Variants in SLC25A21 observed in about 807,000 individuals in gnomAD.
SLC25A21 encodes mitochondrial 2-oxodicarboxylate carrier.
SLC25A21 carries 47 observed loss-of-function variants against 43.8 expected under a neutral mutation model. The ratio of observed to expected loss-of-function variants is 1.07; its 90% CI spans 0.85 to 1.37. The LOEUF (loss-of-function observed/expected upper bound fraction) is 1.37, where lower values mean the gene tolerates loss of function less well. Among genes scored for constraint, SLC25A21 ranks in the 40% most tolerant of loss-of-function variants. The probability of loss-of-function intolerance (pLI) is 0.00; values close to 1 mark genes in which losing one functional copy is unlikely to be tolerated. For missense variants in SLC25A21, 352 were observed against 350.2 expected (o/e 1.00, Z -0.04); for synonymous variants, 131 against 121.3 (o/e 1.08, Z -0.52).
intron 1 of SLC25A21, among the ~76,000 whole-genome samples, chr14:37,047,730 A>AAAAC (rs1364848341): frequency 6.6e-6 from 1 of 152,242 alleles, no homozygotes; most frequent in African/African-American, 2.4e-5. Flanking sequence ...TTGTCCCTAG[A>AAAAC]AAACAAAAGT....
intron 3 of SLC25A21, among the ~76,000 whole-genome samples, chr14:36,735,112 T>C (rs555928518): frequency 1.3e-5 from 2 of 152,158 alleles, no homozygotes; most frequent in East Asian, 3.9e-4. Context: ...GCTTCCTTGA[T>C]GGAAGTGGAA....
chr14:36,874,959 G>C lies in SLC25A21; in HGVS notation c.116C>G (p.Thr39Ser). The change falls in exon 2 of 10, where the codon ACC becomes AGC. Residue 39 changes from threonine (T) to serine (S), a missense_variant. Transcript: ENST00000331299. ...CLMHPLDVVK[T>S]RFQIQRCATD... ...ACTTGTTCATGCAGAACCTTACCTG[G>C]TTTTCACCACATCTAGGGGGTGCAT... 1 of 1,608,700 alleles carries C rather than the reference G, an allele frequency of 6.2e-7. No homozygotes were observed. Among genetic ancestry groups the C allele is most frequent in the Non-Finnish European group, 8.5e-7 (1 of 1,177,428 alleles).
chr14:37,024,946 C>T (rs983771931), intron 1 of SLC25A21, among the ~76,000 whole-genome samples: 5 of 152,004 alleles, frequency 3.3e-5, no homozygotes, highest in Middle Eastern at 3.4e-3. Context: ...TTATAAACAA[C>T]GATTTAGTTG....
chr14:37,017,448 G>A (rs1057028139), intron 1 of SLC25A21, among the ~76,000 whole-genome samples: 1 of 152,004 alleles, frequency 6.6e-6, no homozygotes, highest in African/African-American at 2.4e-5. Context: ...AAATACAATA[G>A]TAACATCAAA....
intron 2 of SLC25A21, among the ~76,000 whole-genome samples, chr14:36,830,964 G>C (rs1423731207): frequency 6.6e-6 from 1 of 152,210 alleles, no homozygotes; most frequent in Non-Finnish European, 1.5e-5. Context: ...AGGGAAATAA[G>C]TGTGTTTAGA....
intron 2 of SLC25A21, among the ~76,000 whole-genome samples, chr14:36,843,659 A>G (rs1189781257): frequency 6.6e-6 from 1 of 152,186 alleles, no homozygotes; most frequent in Admixed American, 6.5e-5. Flanking sequence ...ATACTTCACC[A>G]TGTCTCCTAA....
chr14:36,735,755 C>T (rs1000679712), intron 3 of SLC25A21, among the ~76,000 whole-genome samples: 30 of 151,746 alleles, frequency 2.0e-4, no homozygotes, highest in South Asian at 8.3e-4. Flanking sequence ...CCTCAATTCA[C>T]TGGCTTACAT....
At chr14:36,894,459 T>C (rs1297148536) in intron 1 of SLC25A21, among the ~76,000 whole-genome samples, 1 of 152,178 alleles carries the variant, frequency 6.6e-6, no homozygotes, top group Non-Finnish European at 1.5e-5. Flanking sequence ...TGGGGTTTTC[T>C]AGATATACAA....
At chr14:36,799,839 G>C (rs116276789) in intron 3 of SLC25A21, among the ~76,000 whole-genome samples, 1,891 of 151,994 alleles carry the variant, frequency 0.012, 22 homozygotes, top group African/African-American at 0.029. Flanking sequence ...CTCAGCACCT[G>C]GTAAGTTATT....
chr14:36,694,646 T>C (rs905898234), intron 7 of SLC25A21, among the ~76,000 whole-genome samples: 3 of 152,246 alleles, frequency 2.0e-5, no homozygotes, highest in African/African-American at 7.2e-5. Flanking sequence ...TTGATTTGCA[T>C]TTCTCTGATG....
chr14:36,889,053 A>C (rs370898184), intron 1 of SLC25A21, among the ~76,000 whole-genome samples: 2 of 152,162 alleles, frequency 1.3e-5, no homozygotes, highest in East Asian at 3.9e-4. Flanking sequence ...TAGCTACACA[A>C]ATTCTTTTTG....
intron 1 of SLC25A21, among the ~76,000 whole-genome samples, chr14:37,051,593 A>AAACAAAAGAG (rs1186223644): frequency 6.6e-6 from 1 of 152,216 alleles, no homozygotes; most frequent in East Asian, 1.9e-4. Flanking sequence ...CAAAGGGACT[A>AAACAAAAGAG]TTTACAAATA....
intron 1 of SLC25A21, among the ~76,000 whole-genome samples, chr14:36,880,675 AT>A (rs1890691972): frequency 6.6e-6 from 1 of 152,226 alleles, no homozygotes; most frequent in South Asian, 2.1e-4. Context: ...ACTGGCAGCT[AT>A]TTATTCTGCA....
chr14:37,071,133 A>G (rs1785944622), intron 1 of SLC25A21, among the ~76,000 whole-genome samples: 1 of 152,234 alleles, frequency 6.6e-6, no homozygotes, highest in African/African-American at 2.4e-5. Context: ...AAAATATCCA[A>G]TAGATCGTCA....
chr14:37,066,754 A>T (rs952328976), intron 1 of SLC25A21, among the ~76,000 whole-genome samples: 2 of 152,178 alleles, frequency 1.3e-5, no homozygotes, highest in African/African-American at 4.8e-5. Flanking sequence ...TTATATACAC[A>T]TGGAGAGAGA....
intron 1 of SLC25A21, among the ~76,000 whole-genome samples, chr14:37,010,571 G>T (rs1398045329): frequency 2.6e-5 from 4 of 152,174 alleles, no homozygotes; most frequent in Admixed American, 2.6e-4. Flanking sequence ...AGGCTTTGGA[G>T]AGAAGTGTGA....
intron 1 of SLC25A21, among the ~76,000 whole-genome samples, chr14:36,907,638 T>A (rs929690276): frequency 6.6e-6 from 1 of 152,110 alleles, no homozygotes. Flanking sequence ...TTTTTGAAGA[T>A]GGATTAGGTT....
At chr14:36,769,277 A>G (rs1171803787) in intron 3 of SLC25A21, among the ~76,000 whole-genome samples, 1 of 152,188 alleles carries the variant, frequency 6.6e-6, no homozygotes, top group Admixed American at 6.6e-5. Flanking sequence ...ATTTCCAACA[A>G]TGACAATTTT....
chr14:37,104,277 G>C (rs1962871968), intron 1 of SLC25A21, among the ~76,000 whole-genome samples: 1 of 152,224 alleles, frequency 6.6e-6, no homozygotes, highest in African/African-American at 2.4e-5. Flanking sequence ...GCAGCAAGAA[G>C]GTACCAGCCA....
Sources: allele counts gnomAD v4.1 joint callset (sites outside exome capture counted in the v4.1 genomes callset), GRCh38; gene constraint gnomAD v4.1.1; transcripts MANE v1.5; gene names NCBI Gene and HGNC (gene_info 2026-07-23, HGNC 2026-07-21).